KAT6A: variants seen among roughly 807,000 people sequenced by gnomAD.
KAT6A encodes the protein histone acetyltransferase KAT6A.
A neutral mutation model predicts 198.4 loss-of-function variants in KAT6A; 9 were observed. The ratio of observed to expected loss-of-function variants is 0.05; its 90% CI spans 0.03 to 0.08. KAT6A has a LOEUF of 0.08. Ranked by LOEUF, KAT6A falls within the 10% of genes least tolerant of loss-of-function variation. The pLI is 1.00. For missense variants in KAT6A, 2,077 were observed against 2,509.9 expected (o/e 0.83, Z 3.69); for synonymous variants, 890 against 883.0 (o/e 1.01, Z -0.14).
chr8:41,975,814 A>G (rs1014950812), intron 7 of KAT6A, among the ~76,000 whole-genome samples: 4 of 152,166 alleles, frequency 2.6e-5, no homozygotes, highest in Non-Finnish European at 5.9e-5. Context: ...TGCTCTAACA[A>G]TTTCTATTTC....
At chr8:42,001,902 C>A (rs191928292) in intron 2 of KAT6A, among the ~76,000 whole-genome samples, 1 of 152,178 alleles carries the variant, frequency 6.6e-6, no homozygotes, top group Non-Finnish European at 1.5e-5. Context: ...ATACTTAGTA[C>A]GTCTTTGTCT....
At chr8:41,995,451 T>C (rs1825149655) in intron 2 of KAT6A, among the ~76,000 whole-genome samples, 1 of 152,166 alleles carries the variant, frequency 6.6e-6, no homozygotes, top group Admixed American at 6.5e-5. Flanking sequence ...GATGGCAGTA[T>C]TGAGGCAAAC....
intron 12 of KAT6A, 119 bp from the exon 13 acceptor site, chr8:41,944,098 C>CAAA: frequency 2.2e-6 from 1 of 448,788 alleles, no homozygotes; most frequent in Non-Finnish European, 3.8e-6. Flanking sequence ...AAATTCCTTC[C>CAAA]AAAAAAAAAA....
At chr8:42,040,735 C>CAAAAAAAAAAA (rs59959496) in intron 2 of KAT6A, among the ~76,000 whole-genome samples, 52 of 54,604 alleles carry the variant, frequency 9.5e-4, no homozygotes, top group East Asian at 1.8e-3. Flanking sequence ...GACTCTGTCT[C>CAAAAAAAAAAA]AAAAAAAAAA....
chr8:41,946,369 C>T (rs1370296178), intron 12 of KAT6A, among the ~76,000 whole-genome samples: 3 of 151,960 alleles, frequency 2.0e-5, no homozygotes, highest in Non-Finnish European at 4.4e-5. Flanking sequence ...TCCCAAAGTG[C>T]TGGGATTAGA....
In KAT6A at chr8:41,947,751, C is replaced by T; in HGVS notation, c.1902G>A (p.Lys634=). 1 of 1,587,510 alleles carries T rather than the reference C, an allele frequency of 6.3e-7. No individual in the cohort carries two copies. The highest frequency in any genetic ancestry group is 8.5e-7 in the Non-Finnish European group (1 of 1,172,988). The part of the protein sequence containing the change: ...KGCHLVGYFS[K]EKHCQQKYNV... ...ACAAACTTTAAGCTGACATACTTAC[C>T]TTAGAAAAGTAGCCAACAAGGTGGC... Residue 634 remains lysine (K), a splice_region_variant and synonymous_variant, in exon 11 of 17, where the codon AAG becomes AAA. Coordinates refer to ENST00000265713, the MANE Select transcript of KAT6A (RefSeq NM_006766.5).
chr8:41,996,181 A>G (rs889030526), intron 2 of KAT6A, among the ~76,000 whole-genome samples: 1 of 152,200 alleles, frequency 6.6e-6, no homozygotes, highest in Non-Finnish European at 1.5e-5. Context: ...TAAATTCTAT[A>G]ATTTGTCACC....
chr8:41,932,888 T>A lies in KAT6A; in HGVS notation c.5332A>T (p.Thr1778Ser). Residue 1778 changes from threonine (T) to serine (S), a missense_variant, in exon 17 of 17, where the codon ACT becomes TCT. This residue lies in a region of KAT6A where 500 missense variants were observed against 577.2 expected (regional missense o/e 0.87). Transcript: ENST00000265713. Reference protein sequence around the residue: ...AMPYSHSPAVTSYATSVSLSN... With the variant: ...AMPYSHSPAVSSYATSVSLSN... Reference sequence around the variant, plus strand: ...AGAGAAACACTGGTTGCATAGGAAGTCACAGCAGGAGAATGGCTATAAGGC... The same window carrying A: ...AGAGAAACACTGGTTGCATAGGAAGACACAGCAGGAGAATGGCTATAAGGC... 4 of 1,614,044 alleles carry A rather than the reference T, an allele frequency of 2.5e-6. No homozygotes were observed. The highest frequency in any genetic ancestry group is 3.4e-6 in the Non-Finnish European group (4 of 1,180,000).
In KAT6A at chr8:42,048,958, G is replaced by C. The variant is rs1425919147; in HGVS notation, c.20C>G (p.Pro7Arg). ...CTCCAAAATCCACTCAGTATAAAGC[G>C]GGTTTGCGAGTTTTACCATGGTGAA... MVKLAN[P>R]LYTEWILEAI... The change falls in exon 2 of 17, where the codon CCG becomes CGG. Residue 7 changes from proline to arginine, a missense_variant. By Grantham distance (103) the Pro-to-Arg change is moderately radical (BLOSUM62 -2). This residue lies in a region of KAT6A where 35 missense variants were observed against 76.6 expected (regional missense o/e 0.46). Coordinates refer to ENST00000265713, the MANE Select transcript of KAT6A (RefSeq NM_006766.5). The C allele has an allele frequency of 3.7e-6, 6 of 1,612,216 alleles. No individual in the cohort carries two copies. Among genetic ancestry groups the C allele is most frequent in the Non-Finnish European group, 5.1e-6 (6 of 1,179,396 alleles).
At chr8:41,951,709 T>C (rs1261943820) in intron 9 of KAT6A, among the ~76,000 whole-genome samples, 2 of 152,228 alleles carry the variant, frequency 1.3e-5, no homozygotes, top group Non-Finnish European at 2.9e-5. Context: ...CTCTAACTTC[T>C]AGAATGATGC....
intron 9 of KAT6A, among the ~76,000 whole-genome samples, chr8:41,952,726 C>T (rs1401584972): frequency 1.3e-5 from 2 of 152,106 alleles, no homozygotes; most frequent in Non-Finnish European, 2.9e-5. Context: ...AATAAATAGG[C>T]ATTAACAAAA....
chr8:41,953,816 T>C (rs1041358179), intron 9 of KAT6A, among the ~76,000 whole-genome samples: 2 of 152,198 alleles, frequency 1.3e-5, no homozygotes, highest in Admixed American at 1.3e-4. Context: ...TCCTGAGGAA[T>C]GAGTTAACTT....
chr8:41,932,050 C>A lies in KAT6A; in HGVS notation c.*155G>T, dbSNP rs964963383. The A allele has an allele frequency of 3.2e-5, 23 of 712,752 alleles. No individual in the cohort carries two copies. The highest frequency in any genetic ancestry group is 4.3e-5 in the Non-Finnish European group (22 of 506,318). The allele number at this position is 712,752 out of a possible 1,614,324, so 44.2% of individuals were successfully genotyped here. On this transcript the variant is annotated 3_prime_UTR_variant, in exon 17 of 17. Coordinates refer to ENST00000265713, the MANE Select transcript of KAT6A (RefSeq NM_006766.5). Reference sequence around the variant, plus strand: ...AAATGAACCCAAAAAAAGAGAAGATCAGGTTTTCTAAAAAATAAAATAAAC... The same window carrying A: ...AAATGAACCCAAAAAAAGAGAAGATAAGGTTTTCTAAAAAATAAAATAAAC...
At chr8:41,957,408 G>A in intron 8 of KAT6A, 2 of 402,748 alleles carry the variant, frequency 5.0e-6, no homozygotes, top group South Asian at 3.9e-5. Flanking sequence ...ACTCATTCCA[G>A]TCCTAGCCAA....
intron 2 of KAT6A, among the ~76,000 whole-genome samples, chr8:41,995,056 C>CA (rs368613057): frequency 1.0e-3 from 127 of 124,678 alleles, no homozygotes; most frequent in Admixed American, 2.3e-3. Context: ...GACTCCATCT[C>CA]AAAAAAAAAA....
At chr8:41,973,878 C>T (rs1424526801) in intron 8 of KAT6A, among the ~76,000 whole-genome samples, 2 of 152,146 alleles carry the variant, frequency 1.3e-5, no homozygotes, top group African/African-American at 4.8e-5. Context: ...CCTCCCCAGG[C>T]AGAAGTAGAA....
chr8:42,048,758 G>A lies in KAT6A; in HGVS notation c.220C>T (p.Pro74Ser). 1 of 1,614,158 alleles carries A rather than the reference G, an allele frequency of 6.2e-7. No homozygotes were observed. The highest frequency in any genetic ancestry group is 8.5e-7 in the Non-Finnish European group (1 of 1,180,028). The change falls in exon 2 of 17, where the codon CCT (proline) becomes TCT (serine). Residue 74 changes from proline (P) to serine (S), a missense_variant. By Grantham distance (74) the Pro-to-Ser change is moderately conservative. Around this residue, in one of 13 missense-constraint regions of KAT6A, gnomAD observed 185 missense variants for 185.7 expected, o/e 1.00. Transcript: ENST00000265713. Reference protein sequence around the residue: ...SNKGLNSYKDPDNPGRIALPK... With the variant: ...SNKGLNSYKDSDNPGRIALPK... ...AGTGCTATTCGCCCAGGATTATCAG[G>A]ATCTTTATAGGAATTGAGTCCTTTA...
At chr8:41,982,782 G>A (rs991741545) in intron 3 of KAT6A, among the ~76,000 whole-genome samples, 6 of 152,152 alleles carry the variant, frequency 3.9e-5, no homozygotes, top group Non-Finnish European at 7.4e-5. Flanking sequence ...ATGGTGGCAT[G>A]TTGTTATAAT....
chr8:41,938,338 T>C (rs1433347084), intron 15 of KAT6A, among the ~76,000 whole-genome samples: 1 of 152,210 alleles, frequency 6.6e-6, no homozygotes. Flanking sequence ...GTTCTTTTTC[T>C]TTTTTTAACA....
Sources: allele counts gnomAD v4.1 joint callset (sites outside exome capture counted in the v4.1 genomes callset), GRCh38; gene constraint gnomAD v4.1.1; regional missense constraint gnomAD v4.1.1; transcripts MANE v1.5; gene names NCBI Gene and HGNC (gene_info 2026-07-23, HGNC 2026-07-21).